Variants in NPFFR1 observed in about 807,000 individuals in gnomAD.
The protein encoded by NPFFR1 is G-protein coupled receptor 147.
A neutral mutation model predicts 12.7 loss-of-function variants in NPFFR1; 17 were observed. The observed-to-expected ratio is 1.34, with a 90% CI of 0.92 to 2.01. The LOEUF is 2.01. Ranked by LOEUF, NPFFR1 falls within the 30% of genes most tolerant of loss-of-function variation. The pLI is 0.00. For synonymous variants in NPFFR1, 296 were observed against 264.5 expected (o/e 1.12, Z -1.16); for missense variants, 604 against 606.5 (o/e 1.00, Z 0.04).
chr10:70,254,978 G>T lies in NPFFR1; in HGVS notation c.1272C>A (p.Thr424=). ...EGPGCSHLPL[T]IPAWDI is the part of the protein sequence containing the mutation. ...CCCCTCAGATATCCCAGGCTGGAAT[G>T]GTGAGGGGCAGGTGGGAGCAGCCAG... Residue 424 remains threonine (T), a synonymous_variant, in exon 4 of 4, where the codon ACC becomes ACA. Coordinates refer to ENST00000277942, the MANE Select transcript of NPFFR1 (RefSeq NM_022146.5). The T allele has an allele frequency of 1.4e-6, 2 of 1,439,026 alleles. No individual in the cohort carries two copies. Among genetic ancestry groups the T allele is most frequent in the East Asian group, 2.7e-5 (1 of 37,694 alleles). 89.1% of individuals were successfully genotyped at this position (1,439,026 alleles called of 1,614,324 possible).
At chr10:70,279,790 C>T (rs990167440) in intron 1 of NPFFR1, among the ~76,000 whole-genome samples, 2 of 151,524 alleles carry the variant, frequency 1.3e-5, no homozygotes, top group African/African-American at 2.4e-5. Context: ...GTACAATACT[C>T]TATTATTAAC....
intron 1 of NPFFR1, among the ~76,000 whole-genome samples, chr10:70,274,044 C>T (rs1312461864): frequency 6.6e-6 from 1 of 152,184 alleles, no homozygotes; most frequent in African/African-American, 2.4e-5. Flanking sequence ...CTTAACAGGC[C>T]ATGTAATCTT....
chr10:70,260,714 G>T lies in NPFFR1; in HGVS notation c.348C>A (p.Cys116Ter). The change falls in exon 3 of 4, where the codon TGC (cysteine) becomes TGA (stop). Residue 116 changes from cysteine (C) to a stop codon, truncating the protein, a stop_gained. Coordinates refer to ENST00000277942, the MANE Select transcript of NPFFR1 (RefSeq NM_022146.5). LOFTEE classifies it high-confidence loss of function. Reference protein sequence around the residue: ...ITGWPFDNATCKMSGLVQGMS... With the variant: ...ITGWPFDNAT ...TGCCCTGCACCAAGCCGCTCATCTT[G>T]CATGTGGCATTGTCGAAGGGCCACC... 6.2e-7 allele frequency: 1 copy of T among 1,607,198 alleles called. No individual in the cohort carries two copies. The highest frequency in any genetic ancestry group is 8.5e-7 in the Non-Finnish European group (1 of 1,176,874).
chr10:70,255,106 C>T lies in NPFFR1; in HGVS notation c.1144G>A (p.Gly382Arg), dbSNP rs541546075. Residue 382 changes from glycine (G) to arginine (R), a missense_variant, in exon 4 of 4, where the codon GGG becomes AGG. Transcript: ENST00000277942. This position sits in a 1 kb window ranked among gnomAD's most constrained non-coding sequence, Gnocchi z 4.2. Reference protein sequence around the residue: ...VFVVVRPSDSGLPSESGPSSG... With the variant: ...VFVVVRPSDSRLPSESGPSSG... ...CTAGGGCCCGACTCAGAGGGCAGCC[C>T]GGAGTCGCTGGGCCGCACCACCACG... The T allele has an allele frequency of 6.7e-6, 10 of 1,488,784 alleles. No homozygotes were observed. In the African/African-American group the frequency reaches 9.9e-5, roughly 15 times the overall value. The allele number at this position is 1,488,784 out of a possible 1,614,324, so 92.2% of individuals were successfully genotyped here.
chr10:70,274,059 G>A lies in NPFFR1; in HGVS notation c.8-7668C>T, dbSNP rs143250286. Among the ~76,000 whole-genome samples the A allele has an allele frequency of 2.1e-4, 32 of 152,208 alleles. No homozygotes were observed. In the East Asian group the frequency reaches 5.6e-3, roughly 27 times the overall value. On this transcript the variant is annotated intron_variant, in intron 1 of 3. Coordinates refer to ENST00000277942, the MANE Select transcript of NPFFR1 (RefSeq NM_022146.5). ...CTTAACAGGCCATGTAATCTTCCACGGAGACTGTGCTAATGCAGAGAGGAA... is the reference window on the plus strand; with the variant it reads ...CTTAACAGGCCATGTAATCTTCCACAGAGACTGTGCTAATGCAGAGAGGAA...
At chr10:70,263,397 C>T (rs903153472) in intron 2 of NPFFR1, among the ~76,000 whole-genome samples, 3 of 152,138 alleles carry the variant, frequency 2.0e-5, no homozygotes, top group East Asian at 1.9e-4. Context: ...CTCACCCTCC[C>T]GAGTAGCTGG....
In NPFFR1 at chr10:70,258,659, G is replaced by T. The variant is rs552470596; in HGVS notation, c.422+1981C>A. On this transcript the variant is annotated intron_variant, in intron 3 of 3. Transcript: ENST00000277942. ...TCAAATGCTTAATAGTGAGGAAAAA[G>T]GAGGGGCTCCTATTCCCCAGAATGG... Among the ~76,000 whole-genome samples, 53 of 152,324 alleles carry T rather than the reference G, an allele frequency of 3.5e-4. No homozygotes were observed. The South Asian group carries it at 9.3e-3, about 27-fold the overall frequency.
At chr10:70,259,833 T>TA (rs2136794245) in intron 3 of NPFFR1, among the ~76,000 whole-genome samples, 2 of 152,360 alleles carry the variant, frequency 1.3e-5, no homozygotes, top group South Asian at 4.1e-4. Flanking sequence ...AACCATCCTG[T>TA]AGGGTAGCTA....
rs1300439064 is a variant in NPFFR1 at position 70,283,912 on chromosome 10, G to A, written c.-236C>T. Among the ~76,000 whole-genome samples, 2 of 152,122 alleles carry A rather than the reference G, an allele frequency of 1.3e-5. No homozygotes were observed. The highest frequency in any genetic ancestry group is 2.9e-5 in the Non-Finnish European group (2 of 67,986). On this transcript the variant is annotated 5_prime_UTR_variant, in exon 1 of 4. Coordinates refer to ENST00000277942, the MANE Select transcript of NPFFR1 (RefSeq NM_022146.5). ...TGACTGGCTCCCGCGCAGCGCTGCT[G>A]CCCGCAGGGCTCAGCCGCCCGCCGC...
intron 1 of NPFFR1, among the ~76,000 whole-genome samples, chr10:70,269,395 A>G (rs1259309203): frequency 6.6e-6 from 1 of 152,130 alleles, no homozygotes; most frequent in Admixed American, 6.5e-5. Context: ...AAGCTCAAGC[A>G]ATCCTCCTGT....
intron 1 of NPFFR1, among the ~76,000 whole-genome samples, chr10:70,268,179 CT>C (rs1293731459): frequency 4.6e-5 from 7 of 152,116 alleles, no homozygotes; most frequent in Non-Finnish European, 1.0e-4. Flanking sequence ...CCCCACTTCT[CT>C]TTGGATTATT....
At chr10:70,272,347 G>A (rs1292621237) in intron 1 of NPFFR1, among the ~76,000 whole-genome samples, 2 of 152,188 alleles carry the variant, frequency 1.3e-5, no homozygotes, top group African/African-American at 2.4e-5. Context: ...GCCTCCCACT[G>A]ATGGCTTCAT....
At position 70,266,288 on chromosome 10, in the gene NPFFR1, C is replaced by CTGAT. The variant is rs781325366; in HGVS notation, c.107_110dup (p.His38SerfsTer53). 5.6e-6 allele frequency: 9 copies of CTGAT among 1,613,822 alleles called. No homozygotes were observed. Among genetic ancestry groups the CTGAT allele is most frequent in the Non-Finnish European group, 5.9e-6 (7 of 1,179,836 alleles). On this transcript the variant is annotated frameshift_variant, in exon 2 of 4. Transcript: ENST00000277942. LOFTEE classifies it high-confidence loss of function. ...ACATGGCCGCCACAGGGGAGGTGTG[C>CTGAT]TGATAGTAGGAGGAGAAGGTGAGGT...
Position 70,279,151 on chromosome 10 carries a change from T to G in NPFFR1, c.7+4519A>C, listed in dbSNP as rs568913635. Among the ~76,000 whole-genome samples the G allele has an allele frequency of 4.6e-4, 70 of 152,302 alleles. 1 individual carries two copies. In the South Asian group the frequency reaches 0.011, roughly 25 times the overall value. ...TGTTTTTGCTTTTTTTAAGTAAGAT[T>G]CAATCTTTTTTTGTATGTGTGACCG... On this transcript the variant is annotated intron_variant, in intron 1 of 3. Coordinates refer to ENST00000277942, the MANE Select transcript of NPFFR1 (RefSeq NM_022146.5).
chr10:70,248,319 A>G lies in NPFFR1; in HGVS notation c.*6638T>C, dbSNP rs1478880509. ...TAATTACTTCATTCATTCAACAGAC[A>G]TTTATTGAGTGCCTCCTATGCACCA... On this transcript the variant is annotated 3_prime_UTR_variant, in exon 4 of 4. Coordinates refer to ENST00000277942, the MANE Select transcript of NPFFR1 (RefSeq NM_022146.5). 1 of 152,190 alleles carries G rather than the reference A, an allele frequency of 6.6e-6. No individual in the cohort carries two copies. Among genetic ancestry groups the G allele is most frequent in the Non-Finnish European group, 1.5e-5 (1 of 68,042 alleles). 9.4% of individuals were successfully genotyped at this position (152,190 alleles called of 1,614,324 possible). A position where few individuals can be genotyped will look rare whatever the true frequency, so the allele number is the denominator to read the frequency against.
chr10:70,248,491 T>TTTTTTTG lies in NPFFR1; in HGVS notation c.*6465_*6466insCAAAAAA, dbSNP rs1840477696. On this transcript the variant is annotated 3_prime_UTR_variant, in exon 4 of 4. Coordinates refer to ENST00000277942, the MANE Select transcript of NPFFR1 (RefSeq NM_022146.5). ...CGTTTTTTTTTTGTTTTTTGTTTTT[T>TTTTTTTG]TTTTTTTTTTTTGAGATGGAGTCTC... 7.3e-6 allele frequency: 1 copy of TTTTTTTG among 136,846 alleles called. No homozygotes were observed. Among genetic ancestry groups the TTTTTTTG allele is most frequent in the Non-Finnish European group, 1.6e-5 (1 of 63,624 alleles). 8.5% of individuals were successfully genotyped at this position (136,846 alleles called of 1,614,324 possible).
In NPFFR1 at chr10:70,247,340, G is replaced by A. The variant is rs142229098; in HGVS notation, c.*7617C>T. The A allele has an allele frequency of 1.3e-5, 2 of 152,288 alleles. No individual in the cohort carries two copies. Among genetic ancestry groups the A allele is most frequent in the Non-Finnish European group, 2.9e-5 (2 of 68,020 alleles). The allele number at this position is 152,288 out of a possible 1,614,324, so 9.4% of individuals were successfully genotyped here. A position where few individuals can be genotyped will look rare whatever the true frequency, so the allele number is the denominator to read the frequency against. Reference sequence around the variant, plus strand: ...AAAAAGTAAACAACTCTTTCATAATGAGTTTATTTTCCATAATTTATAGCA... The same window carrying A: ...AAAAAGTAAACAACTCTTTCATAATAAGTTTATTTTCCATAATTTATAGCA... On this transcript the variant is annotated 3_prime_UTR_variant, in exon 4 of 4. Transcript: ENST00000277942.
chr10:70,278,968 T>G (rs953201628), intron 1 of NPFFR1, among the ~76,000 whole-genome samples: 1 of 152,212 alleles, frequency 6.6e-6, no homozygotes, highest in Non-Finnish European at 1.5e-5. Flanking sequence ...TTTTAAGTTT[T>G]TTATTGCAAA....
chr10:70,276,829 C>T (rs902063100), intron 1 of NPFFR1, among the ~76,000 whole-genome samples: 13 of 151,984 alleles, frequency 8.6e-5, no homozygotes, highest in African/African-American at 1.5e-4. Context: ...TCAAGTGATC[C>T]GCCTGACTCA....
Sources: gnomAD v4.1 joint callset for allele counts (sites outside exome capture counted in the v4.1 genomes callset) on GRCh38, gnomAD v4.1.1 for gene constraint, Gnocchi (gnomAD v3.1) non-coding constraint, MANE v1.5 for transcripts, NCBI Gene and HGNC (gene_info 2026-07-23, HGNC 2026-07-21) for gene names.